Variants in EYS observed in about 807,000 individuals in gnomAD.
EYS encodes the protein protein eyes shut homolog.
Under a neutral mutation model 282.1 loss-of-function variants are expected in EYS, and 250 were observed. The ratio of observed to expected loss-of-function variants is 0.89; its 90% CI spans 0.80 to 0.98. The LOEUF (loss-of-function observed/expected upper bound fraction) is 0.98, where lower values mean the gene tolerates loss of function less well. EYS is among the 50% of genes least tolerant of loss of function. The pLI is 0.00. For synonymous variants in EYS, 1,355 were observed against 1,282.9 expected (o/e 1.06, Z -1.20); for missense variants, 4,016 against 3,709.0 (o/e 1.08, Z -2.15).
rs1371288036 is a variant in EYS, at chr6:64,591,569, C to T, written c.4298G>A (p.Gly1433Glu). Residue 1433 changes from glycine (G) to glutamate (E), a missense_variant, in exon 26 of 43, where the codon GGG (glycine) becomes GAG (glutamate). By Grantham distance (98) the Gly-to-Glu change is moderately conservative. Transcript: ENST00000503581. ...PTTSVIRSIPGADIELNRQSL... is the reference protein window; with the variant it reads ...PTTSVIRSIPEADIELNRQSL... Reference sequence around the variant, plus strand: ...CTGCCTGTTTAGCTCAATATCAGCCCCTGGAATGCTTCTAATTACTGAAGT... The same window carrying T: ...CTGCCTGTTTAGCTCAATATCAGCCTCTGGAATGCTTCTAATTACTGAAGT... 2 of 1,551,106 alleles carry T rather than the reference C, an allele frequency of 1.3e-6. No homozygotes were observed. The highest frequency in any genetic ancestry group is 2.0e-5 in the Admixed American group (1 of 50,934).
intron 26 of EYS, among the ~76,000 whole-genome samples, chr6:64,466,824 T>C (rs542826964): frequency 3.3e-5 from 5 of 152,284 alleles, no homozygotes; most frequent in Admixed American, 1.3e-4. Flanking sequence ...TTACAATTTA[T>C]AGATATTTCA....
chr6:65,234,036 G>T (rs1352329485), intron 12 of EYS, among the ~76,000 whole-genome samples: 1 of 152,070 alleles, frequency 6.6e-6, no homozygotes, highest in Non-Finnish European at 1.5e-5. Context: ...CTGCTCTGTT[G>T]TTCTGTGTAT....
At chr6:64,858,801 A>C (rs1766148089) in intron 19 of EYS, among the ~76,000 whole-genome samples, 1 of 152,168 alleles carries the variant, frequency 6.6e-6, no homozygotes, top group African/African-American at 2.4e-5. Context: ...ATCAAAAGAA[A>C]ACTTTCAAAA....
rs116438445 is a variant in EYS at position 65,459,143 on chromosome 6, G to A, written c.862+31451C>T. The stretch of plus-strand genomic sequence containing the variant: ...ATTAAAATCTGATAAGATGGCTCCT[G>A]CTAAGTGAACTTTGCCAAAATTAAT... On this transcript the variant is annotated intron_variant, in intron 5 of 42. Coordinates refer to ENST00000503581, the MANE Select transcript of EYS (RefSeq NM_001142800.2). 1.4e-3 allele frequency among the ~76,000 whole-genome samples: 218 copies of A among 152,176 alleles called. 1 individual carries two copies. The highest frequency in any genetic ancestry group is 2.4e-3 in the Non-Finnish European group (162 of 67,962).
intron 11 of EYS, among the ~76,000 whole-genome samples, chr6:65,325,905 A>G (rs1408278140): frequency 6.6e-6 from 1 of 151,968 alleles, no homozygotes; most frequent in Non-Finnish European, 1.5e-5. Flanking sequence ...ACTGTCTTGA[A>G]CTCAAAATAG....
At chr6:64,389,353 C>G (rs1047945614) in intron 28 of EYS, among the ~76,000 whole-genome samples, 1 of 152,034 alleles carries the variant, frequency 6.6e-6, no homozygotes, top group Non-Finnish European at 1.5e-5. Context: ...TTAGGGAGAT[C>G]AGAGTAATAA....
At chr6:64,229,043 C>T (rs1224796750) in intron 31 of EYS, among the ~76,000 whole-genome samples, 2 of 152,034 alleles carry the variant, frequency 1.3e-5, no homozygotes, top group African/African-American at 2.4e-5. Context: ...GAGGCTGAGG[C>T]GGGTGGATCA....
intron 5 of EYS, among the ~76,000 whole-genome samples, chr6:65,423,749 A>G (rs1205353966): frequency 2.0e-5 from 3 of 151,908 alleles, no homozygotes; most frequent in Admixed American, 6.6e-5. Context: ...TCCCAAACCT[A>G]CTATTATCTT....
At chr6:63,967,219 A>G (rs1356793082) in intron 35 of EYS, among the ~76,000 whole-genome samples, 1 of 152,206 alleles carries the variant, frequency 6.6e-6, no homozygotes, top group Non-Finnish European at 1.5e-5. Flanking sequence ...TTCATGTCCC[A>G]TGGAGCAGGA....
intron 12 of EYS, among the ~76,000 whole-genome samples, chr6:65,222,268 C>T (rs1766486284): frequency 6.6e-6 from 1 of 152,146 alleles, no homozygotes; most frequent in African/African-American, 2.4e-5. Flanking sequence ...ACCCAAATCT[C>T]ACCTTGAAAT....
chr6:63,743,487 A>G (rs908085178), intron 41 of EYS, among the ~76,000 whole-genome samples: 2 of 152,156 alleles, frequency 1.3e-5, no homozygotes, highest in African/African-American at 4.8e-5. Flanking sequence ...ACTTACATTT[A>G]AGACTTAGAA....
At chr6:64,629,750 A>G (rs960730583) in intron 22 of EYS, among the ~76,000 whole-genome samples, 8 of 152,194 alleles carry the variant, frequency 5.3e-5, no homozygotes, top group African/African-American at 1.9e-4. Flanking sequence ...TTGTTACACT[A>G]GCTTATTAGG....
chr6:65,182,046 C>T (rs978936499), intron 12 of EYS, among the ~76,000 whole-genome samples: 12 of 151,248 alleles, frequency 7.9e-5, no homozygotes, highest in Admixed American at 2.0e-4. Context: ...CATCACACAC[C>T]GGGGCCTGTT....
intron 19 of EYS, among the ~76,000 whole-genome samples, chr6:64,869,787 A>T (rs893402903): frequency 4.0e-5 from 6 of 151,644 alleles, no homozygotes; most frequent in African/African-American, 1.4e-4. Context: ...TTAAGTTTTG[A>T]CTTTATTCTA....
intron 29 of EYS, among the ~76,000 whole-genome samples, chr6:64,373,715 G>C (rs1168560283): frequency 3.3e-5 from 5 of 152,166 alleles, no homozygotes; most frequent in Non-Finnish European, 7.3e-5. Context: ...GGGGTGGGTA[G>C]AGCATCTGGG....
chr6:65,203,010 T>C (rs547998859), intron 12 of EYS, among the ~76,000 whole-genome samples: 1 of 152,258 alleles, frequency 6.6e-6, no homozygotes, highest in African/African-American at 2.4e-5. Context: ...CCGCACAGCT[T>C]TGCCCTCTCA....
chr6:64,030,557 G>A (rs1052115990), intron 33 of EYS, among the ~76,000 whole-genome samples: 2 of 151,024 alleles, frequency 1.3e-5, no homozygotes, highest in African/African-American at 4.9e-5. Context: ...TAACCAGTCG[G>A]GGATAGTACG....
chr6:65,209,192 G>T (rs1385827613), intron 12 of EYS, among the ~76,000 whole-genome samples: 1 of 151,380 alleles, frequency 6.6e-6, no homozygotes, highest in East Asian at 1.9e-4. Context: ...TCACAAAATG[G>T]TTGTGAGGAA....
rs553486038 is a variant in EYS, at chr6:64,201,221, A to AT, written c.6424+29370dup. On this transcript the variant is annotated intron_variant, in intron 31 of 42. Coordinates refer to ENST00000503581, the MANE Select transcript of EYS (RefSeq NM_001142800.2). ...GAAGGATAGGCTGTTGTTTTACATC[A>AT]TTTTTTTTGTTTCCTTGCTTCCTTT... Among the ~76,000 whole-genome samples the AT allele has an allele frequency of 3.1e-3, 469 of 151,942 alleles. 3 individuals are homozygous for AT. The highest frequency in any genetic ancestry group is 9.9e-3 in the African/African-American group (412 of 41,492).
Sources: allele counts gnomAD v4.1 joint callset (sites outside exome capture counted in the v4.1 genomes callset), GRCh38; gene constraint gnomAD v4.1.1; transcripts MANE v1.5; gene names NCBI Gene and HGNC (gene_info 2026-07-23, HGNC 2026-07-21).